Variants in CTNNA3 observed in about 807,000 individuals in gnomAD.
CTNNA3 encodes the protein catenin alpha 3.
CTNNA3 carries 76 observed loss-of-function variants against 95.7 expected under a neutral mutation model. The observed-to-expected ratio is 0.79, with a 90% CI of 0.66 to 0.96. The LOEUF (loss-of-function observed/expected upper bound fraction) is 0.96. Among genes scored for constraint, CTNNA3 ranks in the 40% least tolerant of loss-of-function variants. The pLI is 0.00. For missense variants in CTNNA3, 1,191 were observed against 1,089.8 expected, an observed-to-expected ratio of 1.09 and a Z score of -1.31; for synonymous variants, 431 against 374.4, an observed-to-expected ratio of 1.15 and a Z score of -1.74.
At chr10:66,213,869 T>C (rs776451823) in intron 13 of CTNNA3, among the ~76,000 whole-genome samples, 3 of 152,214 alleles carry the variant, frequency 2.0e-5, no homozygotes, top group Admixed American at 6.5e-5. Context: ...CCTGAATTTC[T>C]TAGAAGGAAA....
chr10:67,219,583 C>T (rs1315371225), intron 6 of CTNNA3, 24 bp downstream of exon 6: 1 of 1,602,372 alleles, frequency 6.2e-7, no homozygotes, highest in Admixed American at 1.7e-5. Context: ...CATCAGATCA[C>T]ACTTTATCTT....
intron 15 of CTNNA3, among the ~76,000 whole-genome samples, chr10:66,022,232 C>T (rs1168306841): frequency 6.6e-6 from 1 of 152,074 alleles, no homozygotes; most frequent in African/African-American, 2.4e-5. Flanking sequence ...ATGACATGTT[C>T]AACCTTCATA....
intron 5 of CTNNA3, among the ~76,000 whole-genome samples, chr10:67,341,352 C>A (rs1842181143): frequency 6.6e-6 from 1 of 152,160 alleles, no homozygotes; most frequent in African/African-American, 2.4e-5. Flanking sequence ...CACAACTACA[C>A]TTCCCAGCCT....
intron 13 of CTNNA3, among the ~76,000 whole-genome samples, chr10:66,255,771 A>C (rs2090745321): frequency 6.6e-6 from 1 of 152,184 alleles, no homozygotes; most frequent in Admixed American, 6.5e-5. Flanking sequence ...TTTGGGAAAA[A>C]TTCGAATTCA....
intron 7 of CTNNA3, among the ~76,000 whole-genome samples, chr10:66,932,581 G>A (rs567441912): frequency 7.2e-5 from 11 of 152,048 alleles, no homozygotes; most frequent in Non-Finnish European, 1.5e-4. Flanking sequence ...AGGCAGTTGG[G>A]GGAAACAATG....
In CTNNA3 at chr10:66,817,770, G is replaced by A. The variant is rs569283165; in HGVS notation, c.1048-42246C>T. 6.6e-5 allele frequency among the ~76,000 whole-genome samples: 10 copies of A among 151,834 alleles called. No individual in the cohort carries two copies. In the South Asian group the frequency reaches 2.1e-3, roughly 31 times the overall value. ...CAAAAGAATTCCAAAAAAGAAAAGA[G>A]GACAAAAAACTTCCAACTTATTTCT... On this transcript the variant is annotated intron_variant, in intron 7 of 17. Transcript: ENST00000433211.
chr10:67,562,310 C>T (rs577759818), intron 3 of CTNNA3, among the ~76,000 whole-genome samples: 16 of 152,296 alleles, frequency 1.1e-4, no homozygotes, highest in South Asian at 4.2e-4. Context: ...TGGGCTTCAT[C>T]GCTGGGATGC....
intron 7 of CTNNA3, among the ~76,000 whole-genome samples, chr10:66,826,705 T>G (rs1237084886): frequency 6.6e-6 from 1 of 152,172 alleles, no homozygotes; most frequent in Non-Finnish European, 1.5e-5. Context: ...ATTAATCTAC[T>G]AAAAACTGAA....
At chr10:66,875,519 G>A (rs935696001) in intron 7 of CTNNA3, among the ~76,000 whole-genome samples, 2 of 152,000 alleles carry the variant, frequency 1.3e-5, no homozygotes, top group Admixed American at 6.6e-5. Flanking sequence ...ACCAAAACAG[G>A]TTAAGCCTCA....
intron 12 of CTNNA3, among the ~76,000 whole-genome samples, chr10:66,367,588 A>C (rs890989236): frequency 5.3e-5 from 8 of 149,878 alleles, no homozygotes; most frequent in Admixed American, 4.7e-4. Flanking sequence ...TTGCCATGTG[A>C]CACTAAAATC....
chr10:67,701,848 A>G (rs1401055465), intron 1 of CTNNA3, among the ~76,000 whole-genome samples: 1 of 152,160 alleles, frequency 6.6e-6, no homozygotes, highest in East Asian at 1.9e-4. Flanking sequence ...ATAAAGAGTC[A>G]AGACCCATCA....
chr10:66,422,868 G>A (rs1380833384), intron 11 of CTNNA3, among the ~76,000 whole-genome samples: 2 of 126,918 alleles, frequency 1.6e-5, no homozygotes, highest in African/African-American at 6.6e-5. Context: ...GACCTCAAGT[G>A]ATCCACCTCC....
At chr10:67,469,338 A>G (rs563013265) in intron 5 of CTNNA3, among the ~76,000 whole-genome samples, 2 of 152,280 alleles carry the variant, frequency 1.3e-5, no homozygotes, top group South Asian at 4.2e-4. Context: ...GGACACATAA[A>G]TCCCCCTAAA....
intron 9 of CTNNA3, among the ~76,000 whole-genome samples, chr10:66,727,259 A>C (rs900153131): frequency 1.3e-5 from 2 of 152,100 alleles, no homozygotes; most frequent in Non-Finnish European, 2.9e-5. Context: ...TTGTGATACA[A>C]ACATTAAAAA....
rs961239852 is a variant in CTNNA3, at chr10:66,211,989, T to G, written c.1884+68481A>C. On this transcript the variant is annotated intron_variant, in intron 13 of 17. Transcript: ENST00000433211. ...TAGCAACTATTGTTTTTGGGTTTTT[T>G]TTTTTTTTTTTTTTTTTTGAGACAG... Among the ~76,000 whole-genome samples the G allele has an allele frequency of 1.4e-4, 19 of 139,330 alleles. No homozygotes were observed. The South Asian group carries it at 2.1e-3, about 15-fold the overall frequency. 91.4% of individuals were successfully genotyped at this position (139,330 alleles called of 152,430 possible).
At chr10:67,385,319 C>T (rs1298591786) in intron 5 of CTNNA3, among the ~76,000 whole-genome samples, 2 of 152,208 alleles carry the variant, frequency 1.3e-5, no homozygotes, top group Non-Finnish European at 2.9e-5. Flanking sequence ...CCAGAATTCA[C>T]TTATGCAAGA....
intron 7 of CTNNA3, among the ~76,000 whole-genome samples, chr10:67,116,180 G>A (rs769605974): frequency 9.9e-5 from 15 of 151,634 alleles, no homozygotes; most frequent in African/African-American, 1.7e-4. Context: ...ATTTGAACAC[G>A]TGCCAGGAAA....
At chr10:66,012,856 G>C (rs1201291622) in intron 15 of CTNNA3, among the ~76,000 whole-genome samples, 2 of 152,152 alleles carry the variant, frequency 1.3e-5, no homozygotes, top group Non-Finnish European at 2.9e-5. Flanking sequence ...AAAATCTGCT[G>C]AATTCCTCAA....
At chr10:66,373,575 C>G (rs2092769935) in intron 12 of CTNNA3, among the ~76,000 whole-genome samples, 1 of 147,406 alleles carries the variant, frequency 6.8e-6, no homozygotes, top group South Asian at 2.2e-4. Flanking sequence ...AGACAGAAAC[C>G]TCTTGTTAAT....
Sources: allele counts gnomAD v4.1 joint callset (sites outside exome capture counted in the v4.1 genomes callset), GRCh38; gene constraint gnomAD v4.1.1; transcripts MANE v1.5; gene names NCBI Gene and HGNC (gene_info 2026-07-23, HGNC 2026-07-21).